Variants in PDZD2 observed in about 807,000 individuals in gnomAD.
PDZD2 encodes PDZ domain-containing protein 2.
PDZD2 carries 90 observed loss-of-function variants against 220.7 expected under a neutral mutation model. That is an observed-to-expected ratio of 0.41 (90% CI 0.34 to 0.49). PDZD2 has a LOEUF of 0.49. Among genes scored for constraint, PDZD2 ranks in the 20% least tolerant of loss-of-function variants. The pLI is 0.28. For synonymous variants in PDZD2, 1,375 were observed against 1,450.5 expected (o/e 0.95, Z 1.18); for missense variants, 3,174 against 3,608.5 (o/e 0.88, Z 3.08).
intron 2 of PDZD2, among the ~76,000 whole-genome samples, chr5:31,808,222 C>T (rs995423368): frequency 2.0e-5 from 3 of 152,068 alleles, no homozygotes; most frequent in African/African-American, 4.8e-5. Flanking sequence ...AGTAAGAGGT[C>T]GTCATCACCA....
chr5:31,700,134 T>C (rs545224225), intron 1 of PDZD2, among the ~76,000 whole-genome samples: 1 of 152,100 alleles, frequency 6.6e-6, no homozygotes, highest in East Asian at 1.9e-4. Context: ...GCCGTGGGAA[T>C]GGATTGGGGG....
At chr5:31,737,423 T>C (rs571856680) in intron 1 of PDZD2, among the ~76,000 whole-genome samples, 65 of 152,134 alleles carry the variant, frequency 4.3e-4, no homozygotes, top group Middle Eastern at 3.4e-3. Flanking sequence ...CCGCCCGCCT[T>C]GGCCTCCCAA....
At chr5:31,652,171 G>GTTTA (rs1207614247) in intron 1 of PDZD2, among the ~76,000 whole-genome samples, 1 of 140,714 alleles carries the variant, frequency 7.1e-6, no homozygotes, top group Admixed American at 7.1e-5. Context: ...TTGTTTGTTT[G>GTTTA]TTTTAGAGAC....
chr5:32,093,932 T>G (rs1436762653), intron 21 of PDZD2, among the ~76,000 whole-genome samples: 1 of 152,030 alleles, frequency 6.6e-6, no homozygotes, highest in Non-Finnish European at 1.5e-5. Context: ...GAGCTAAGAT[T>G]GCACCACTGC....
chr5:31,848,510 AG>A (rs1375603089), intron 2 of PDZD2, among the ~76,000 whole-genome samples: 5 of 152,204 alleles, frequency 3.3e-5, no homozygotes, highest in Admixed American at 1.3e-4. Flanking sequence ...GCACTTTGGG[AG>A]GCTGAGGTGG....
chr5:31,682,671 CTGTGTG>C (rs70955735), intron 1 of PDZD2, among the ~76,000 whole-genome samples: 2,984 of 146,264 alleles, frequency 0.02, 120 homozygotes, highest in African/African-American at 0.071. Flanking sequence ...AGTCTTTCGG[CTGTGTG>C]TGTGTGTGTG....
intron 2 of PDZD2, among the ~76,000 whole-genome samples, chr5:31,835,113 A>G (rs1264738826): frequency 6.6e-6 from 1 of 152,106 alleles, no homozygotes; most frequent in East Asian, 1.9e-4. Flanking sequence ...TTTTGAGGCA[A>G]AGAAAAAACA....
At chr5:31,790,412 T>G (rs1456006967) in intron 1 of PDZD2, among the ~76,000 whole-genome samples, 1 of 151,938 alleles carries the variant, frequency 6.6e-6, no homozygotes, top group Non-Finnish European at 1.5e-5. Flanking sequence ...GAGGTCATTC[T>G]TCATTCACTG....
At chr5:31,919,461 C>T (rs1269077525) in intron 2 of PDZD2, among the ~76,000 whole-genome samples, 1 of 151,862 alleles carries the variant, frequency 6.6e-6, no homozygotes, top group Non-Finnish European at 1.5e-5. Flanking sequence ...ATTCTCCTGC[C>T]TCAGCCTCCC....
chr5:31,767,958 A>G (rs995724096), intron 1 of PDZD2, among the ~76,000 whole-genome samples: 12 of 152,274 alleles, frequency 7.9e-5, no homozygotes, highest in African/African-American at 2.7e-4. Flanking sequence ...ATTGGGAACA[A>G]CCAGATCATT....
intron 2 of PDZD2, among the ~76,000 whole-genome samples, chr5:31,954,538 A>C (rs1483657853): frequency 6.6e-6 from 1 of 152,142 alleles, no homozygotes; most frequent in African/African-American, 2.4e-5. Context: ...CATTGTGACT[A>C]TTGGCTTTGG....
intron 5 of PDZD2, among the ~76,000 whole-genome samples, chr5:32,005,273 T>C (rs918771838): frequency 6.6e-6 from 1 of 152,204 alleles, no homozygotes; most frequent in African/African-American, 2.4e-5. Flanking sequence ...CTTTAAGGCA[T>C]TGTTTTGGAA....
intron 11 of PDZD2, 22 bp downstream of exon 11, chr5:32,057,750 T>C: frequency 6.7e-7 from 1 of 1,492,206 alleles, no homozygotes; most frequent in Non-Finnish European, 9.3e-7. Flanking sequence ...CTTATTGATC[T>C]CCTTTATCCT....
intron 2 of PDZD2, among the ~76,000 whole-genome samples, chr5:31,855,980 CTG>C (rs1453848794): frequency 1.3e-5 from 2 of 152,172 alleles, no homozygotes; most frequent in African/African-American, 2.4e-5. Context: ...GAGAAAAAGA[CTG>C]TGAATGTAAA....
intron 1 of PDZD2, among the ~76,000 whole-genome samples, chr5:31,678,695 C>G (rs1380249302): frequency 6.6e-6 from 1 of 152,158 alleles, no homozygotes; most frequent in African/African-American, 2.4e-5. Flanking sequence ...GGCTCACTGC[C>G]TCCTGGGCCC....
intron 1 of PDZD2, among the ~76,000 whole-genome samples, chr5:31,776,783 G>A (rs1343856659): frequency 6.7e-6 from 1 of 149,764 alleles, no homozygotes; most frequent in Non-Finnish European, 1.5e-5. Flanking sequence ...CGAGTAGCTG[G>A]GACTGCAGAT....
chr5:31,794,411 T>TTTTTTTTG (rs1753897769), intron 1 of PDZD2, among the ~76,000 whole-genome samples: 1 of 147,686 alleles, frequency 6.8e-6, no homozygotes, highest in Non-Finnish European at 1.5e-5. Flanking sequence ...TTTTTTTTTT[T>TTTTTTTTG]TTTTGAGATG....
At chr5:31,740,232 T>A (rs1262708823) in intron 1 of PDZD2, among the ~76,000 whole-genome samples, 1 of 152,056 alleles carries the variant, frequency 6.6e-6, no homozygotes, top group Non-Finnish European at 1.5e-5. Flanking sequence ...TTGAAAATTC[T>A]GCTGTTGGCT....
At chr5:31,706,683 C>A (rs1371144815) in intron 1 of PDZD2, among the ~76,000 whole-genome samples, 4 of 151,904 alleles carry the variant, frequency 2.6e-5, no homozygotes, top group East Asian at 1.9e-4. Flanking sequence ...GTCTCTATTA[C>A]AAATACAAAA....
Sources: allele counts gnomAD v4.1 joint callset (sites outside exome capture counted in the v4.1 genomes callset), GRCh38; gene constraint gnomAD v4.1.1; transcripts MANE v1.5; gene names NCBI Gene and HGNC (gene_info 2026-07-23, HGNC 2026-07-21).